Variants in LCN1 observed in about 807,000 individuals in gnomAD.
LCN1 encodes the protein lipocalin 1, also known as lipocalin-1.
Under a neutral mutation model 22.3 loss-of-function variants are expected in LCN1, and 25 were observed. That is an observed-to-expected ratio of 1.12 (90% CI 0.82 to 1.56). The LOEUF (loss-of-function observed/expected upper bound fraction) is 1.56, where lower values mean the gene tolerates loss of function less well. LCN1 is among the 40% of genes most tolerant of loss of function. LCN1 has a pLI of 0.00. For missense variants in LCN1, 219 were observed against 235.6 expected, an observed-to-expected ratio of 0.93 and a Z score of 0.46; for synonymous variants, 85 against 97.6, an observed-to-expected ratio of 0.87 and a Z score of 0.76.
At chr9:135,525,320 G>A (rs73560977) in intron 6 of LCN1, among the ~76,000 whole-genome samples, 162 bp downstream of exon 6, 14,684 of 152,114 alleles carry the variant, frequency 0.097, 1,669 homozygotes, top group African/African-American at 0.27. Flanking sequence ...AGCTGCCCAC[G>A]CTCGGGCGTC....
chr9:135,521,730 G>A lies in LCN1; in HGVS notation c.90+143G>A, dbSNP rs1179056007. Reference sequence around the variant, plus strand: ...CCCTGCCCTGAGGGAATGGTGGGATGGGGCAGCAGGGGTCTGGGCTGGCAG... The same window carrying A: ...CCCTGCCCTGAGGGAATGGTGGGATAGGGCAGCAGGGGTCTGGGCTGGCAG... On this transcript the variant is annotated intron_variant, in intron 1 of 6. Coordinates refer to ENST00000371781, the MANE Select transcript of LCN1 (RefSeq NM_002297.4). 11 of 764,996 alleles carry A rather than the reference G, an allele frequency of 1.4e-5. No individual in the cohort carries two copies. The Admixed American group carries it at 2.5e-4, about 17-fold the overall frequency. The allele number at this position is 764,996 out of a possible 1,614,324, so 47.4% of individuals were successfully genotyped here.
intron 5 of LCN1, 38 bp downstream of exon 5, chr9:135,524,969 G>T (rs201982610): frequency 6.4e-7 from 1 of 1,557,196 alleles, no homozygotes; most frequent in African/African-American, 1.4e-5. Flanking sequence ...CCATGTCCCC[G>T]CGTGGGGACA....
intron 6 of LCN1, among the ~76,000 whole-genome samples, chr9:135,525,849 C>A (rs1022660655): frequency 7.5e-6 from 1 of 132,766 alleles, no homozygotes; most frequent in African/African-American, 2.8e-5. Context: ...CCATCGCCCC[C>A]AAGAGCTCGC....
In LCN1 at chr9:135,526,445, C is replaced by T. The variant is rs946060201; in HGVS notation, c.*103C>T. ...AAAAGCTCCCCACCCCTGCAGAACG[C>T]GGCTGGCTGCACCCCTTCCTACCAC... On this transcript the variant is annotated 3_prime_UTR_variant, in exon 7 of 7. Transcript: ENST00000371781. 1.9e-5 allele frequency: 24 copies of T among 1,285,742 alleles called. No individual in the cohort carries two copies. Among genetic ancestry groups the T allele is most frequent in the South Asian group, 6.2e-5 (5 of 80,776 alleles). 79.6% of individuals were successfully genotyped at this position (1,285,742 alleles called of 1,614,324 possible).
intron 6 of LCN1, among the ~76,000 whole-genome samples, chr9:135,525,390 C>T (rs1193784519): frequency 2.0e-5 from 3 of 152,134 alleles, no homozygotes; most frequent in Non-Finnish European, 4.4e-5. Flanking sequence ...CAGCGCTGAG[C>T]CCGCCTTTGC....
At chr9:135,525,406 G>C (rs1831612383) in intron 6 of LCN1, among the ~76,000 whole-genome samples, 1 of 152,164 alleles carries the variant, frequency 6.6e-6, no homozygotes, top group Admixed American at 6.5e-5. Context: ...TTTGCTGGCT[G>C]CTGGTGGAGA....
In LCN1 at chr9:135,522,125, A is replaced by G. The variant is rs1342607703; in HGVS notation, c.169A>G (p.Met57Val). 1.9e-6 allele frequency: 3 copies of G among 1,599,506 alleles called. No homozygotes were observed. Among genetic ancestry groups the G allele is most frequent in the Admixed American group, 3.5e-5 (2 of 57,820 alleles). Residue 57 changes from methionine (M) to valine (V), a missense_variant, in exon 2 of 7, where the codon ATG (methionine) becomes GTG (valine). Coordinates refer to ENST00000371781, the MANE Select transcript of LCN1 (RefSeq NM_002297.4). ...PEMNLESVTP[M>V]TLTTLEGGNL... ...GATGAATCTGGAATCGGTGACACCC[A>G]TGACCCTCACGACCCTGGAAGGGGG... is the stretch of plus-strand genomic sequence containing the variant.
intron 6 of LCN1, among the ~76,000 whole-genome samples, chr9:135,525,964 G>A (rs1056797279): frequency 1.9e-5 from 2 of 105,964 alleles, no homozygotes; most frequent in African/African-American, 3.9e-5. Flanking sequence ...CCGAGAGCCC[G>A]CATGTGCCTT....
intron 2 of LCN1, among the ~76,000 whole-genome samples, chr9:135,522,569 G>A (rs1831526876): frequency 1.3e-5 from 2 of 152,220 alleles, no homozygotes; most frequent in Admixed American, 6.5e-5. Flanking sequence ...CCAAGAGGGG[G>A]CATAGGAGAA....
At chr9:135,524,672 C>T (rs948894611) in intron 4 of LCN1, among the ~76,000 whole-genome samples, 158 bp from the exon 5 acceptor site, 1 of 152,174 alleles carries the variant, frequency 6.6e-6, no homozygotes, top group South Asian at 2.1e-4. Flanking sequence ...TGCACGGCAC[C>T]CTGGTCCCAC....
rs1285105118 is a variant in LCN1 at position 135,524,947 on chromosome 9, C to T, written c.505+16C>T. 1.2e-6 allele frequency: 2 copies of T among 1,600,114 alleles called. No homozygotes were observed. Among genetic ancestry groups the T allele is most frequent in the African/African-American group, 2.7e-5 (2 of 74,524 alleles). ...AGGCAGAGCGGTAGGAGGCATGGCC[C>T]TGCAGAGCCCCCCATGTCCCCGCGT... On this transcript the variant is annotated intron_variant, in intron 5 of 6. Coordinates refer to ENST00000371781, the MANE Select transcript of LCN1 (RefSeq NM_002297.4).
intron 5 of LCN1, 65 bp downstream of exon 5, chr9:135,524,996 G>T: frequency 4.5e-6 from 7 of 1,554,718 alleles, no homozygotes; most frequent in Non-Finnish European, 6.2e-6. Context: ...GAGCTGCATT[G>T]CACGGGCGCA....
chr9:135,522,980 G>C (rs2118948359), intron 2 of LCN1, among the ~76,000 whole-genome samples: 1 of 152,302 alleles, frequency 6.6e-6, no homozygotes, highest in South Asian at 2.1e-4. Context: ...TGTGTTGGGG[G>C]CGGGGGGTTT....
chr9:135,521,682 C>T, intron 1 of LCN1, 95 bp downstream of exon 1: 8 of 1,103,416 alleles, frequency 7.3e-6, no homozygotes, highest in Non-Finnish European at 9.1e-6. Flanking sequence ...AGGAGACCCT[C>T]GTTTTTGGGT....
At position 135,526,335 on chromosome 9, in the gene LCN1, C is replaced by G. The variant is rs564242783; in HGVS notation, c.*2-9C>G. The G allele has an allele frequency of 5.5e-4, 683 of 1,250,278 alleles. 5 individuals are homozygous for G. The South Asian group carries it at 8.1e-3, about 15-fold the overall frequency. 77.4% of individuals were successfully genotyped at this position (1,250,278 alleles called of 1,614,324 possible). A position where few individuals can be genotyped will look rare whatever the true frequency, so the allele number is the denominator to read the frequency against. On this transcript the variant is annotated splice_polypyrimidine_tract_variant and intron_variant, in intron 6 of 6. Transcript: ENST00000371781. ...GTCCTGGCCTCACTCACCCTCCCCCCCTTTCCAGGGCAGGGGACACCTTGG... is the reference window on the plus strand; with the variant it reads ...GTCCTGGCCTCACTCACCCTCCCCCGCTTTCCAGGGCAGGGGACACCTTGG...
At position 135,526,477 on chromosome 9, in the gene LCN1, C is replaced by T; in HGVS notation, c.*135C>T. The T allele has an allele frequency of 7.8e-7, 1 of 1,281,524 alleles. No homozygotes were observed. The highest frequency in any genetic ancestry group is 1.5e-5 in the African/African-American group (1 of 65,688). The allele number at this position is 1,281,524 out of a possible 1,614,324, so 79.4% of individuals were successfully genotyped here. The stretch of plus-strand genomic sequence containing the variant: ...CTGCACCCCTTCCTACCACCCCCCG[C>T]CTTCCCCCTGCCCTGCGCCCCCTCT... On this transcript the variant is annotated 3_prime_UTR_variant, in exon 7 of 7. Coordinates refer to ENST00000371781, the MANE Select transcript of LCN1 (RefSeq NM_002297.4).
Position 135,526,484 on chromosome 9 carries a change from C to G in LCN1, c.*142C>G. The stretch of plus-strand genomic sequence containing the variant: ...CCTTCCTACCACCCCCCGCCTTCCC[C>G]CTGCCCTGCGCCCCCTCTCCTGGTT... On this transcript the variant is annotated 3_prime_UTR_variant, in exon 7 of 7. Coordinates refer to ENST00000371781, the MANE Select transcript of LCN1 (RefSeq NM_002297.4). The G allele has an allele frequency of 1.6e-6, 2 of 1,280,386 alleles. No individual in the cohort carries two copies. Among genetic ancestry groups the G allele is most frequent in the South Asian group, 2.5e-5 (2 of 79,698 alleles). 79.3% of individuals were successfully genotyped at this position (1,280,386 alleles called of 1,614,324 possible).
chr9:135,526,334 C>G lies in LCN1; in HGVS notation c.*2-10C>G, dbSNP rs545561308. ...TGTCCTGGCCTCACTCACCCTCCCCCCCTTTCCAGGGCAGGGGACACCTTG... is the reference window on the plus strand; with the variant it reads ...TGTCCTGGCCTCACTCACCCTCCCCGCCTTTCCAGGGCAGGGGACACCTTG... On this transcript the variant is annotated splice_polypyrimidine_tract_variant and intron_variant, in intron 6 of 6. Coordinates refer to ENST00000371781, the MANE Select transcript of LCN1 (RefSeq NM_002297.4). 1.5e-5 allele frequency: 19 copies of G among 1,249,210 alleles called. No homozygotes were observed. Among genetic ancestry groups the G allele is most frequent in the Admixed American group, 1.5e-4 (6 of 40,574 alleles). The allele number at this position is 1,249,210 out of a possible 1,614,324, so 77.4% of individuals were successfully genotyped here.
At chr9:135,524,763 G>T in intron 4 of LCN1, 67 bp from the exon 5 acceptor site, 1 of 1,295,888 alleles carries the variant, frequency 7.7e-7, no homozygotes, top group Non-Finnish European at 1.1e-6. Context: ...CAGGCCTCCA[G>T]ACTGGGATGG....
Sources: allele counts gnomAD v4.1 joint callset (sites outside exome capture counted in the v4.1 genomes callset), GRCh38; gene constraint gnomAD v4.1.1; transcripts MANE v1.5; gene names NCBI Gene and HGNC (gene_info 2026-07-23, HGNC 2026-07-21).